GALNT14: variants seen among roughly 807,000 people sequenced by gnomAD.
GALNT14 encodes the protein UDP-GalNAc:polypeptide N-acetylgalactosaminyltransferase 14.
Under a neutral mutation model 77.5 loss-of-function variants are expected in GALNT14, and 60 were observed. The observed-to-expected ratio is 0.77, with a 90% CI of 0.63 to 0.96. The LOEUF (loss-of-function observed/expected upper bound fraction) is 0.96. GALNT14 is among the 40% of genes least tolerant of loss of function. The pLI is 0.00. For missense variants in GALNT14, 710 were observed against 731.0 expected (o/e 0.97, Z 0.33); for synonymous variants, 280 against 281.7 (o/e 0.99, Z 0.06).
At chr2:31,019,762 C>T (rs1315577026) in intron 1 of GALNT14, among the ~76,000 whole-genome samples, 1 of 152,216 alleles carries the variant, frequency 6.6e-6, no homozygotes, top group Non-Finnish European at 1.5e-5. Flanking sequence ...AGAAGACCTA[C>T]TTGGAACATC....
Position 31,137,949 on chromosome 2 carries a change from G to A in GALNT14, c.129+9C>T. 7 of 1,607,684 alleles carry A rather than the reference G, an allele frequency of 4.4e-6. No individual in the cohort carries two copies. Among genetic ancestry groups the A allele is most frequent in the Non-Finnish European group, 5.1e-6 (6 of 1,176,972 alleles). ...CCGCTCAGCGCCAGCGCGCCGGCAAGCCGCCTACCTTAGGGGTCTGCACTT... is the reference window on the plus strand; with the variant it reads ...CCGCTCAGCGCCAGCGCGCCGGCAAACCGCCTACCTTAGGGGTCTGCACTT... On this transcript the variant is annotated intron_variant, in intron 1 of 14. Transcript: ENST00000349752.
At chr2:31,028,210 T>C (rs929805765) in intron 1 of GALNT14, among the ~76,000 whole-genome samples, 3 of 152,204 alleles carry the variant, frequency 2.0e-5, no homozygotes, top group Non-Finnish European at 2.9e-5. Context: ...GCTTGGCTGT[T>C]GTCCAGGTGT....
chr2:31,058,314 G>A (rs1180579296), intron 1 of GALNT14, among the ~76,000 whole-genome samples: 1 of 152,120 alleles, frequency 6.6e-6, no homozygotes, highest in Non-Finnish European at 1.5e-5. Flanking sequence ...GGGCTGGGCT[G>A]GGCGAATTAG....
At chr2:30,896,170 C>T in the GALNT14 span, among the ~76,000 whole-genome samples, 1 of 152,204 alleles carries the variant, frequency 6.6e-6, no homozygotes, top group Non-Finnish European at 1.5e-5. Context: ...GCTACATCCC[C>T]TCTCCCTTCC....
chr2:30,959,708 T>C (rs1667572912), intron 3 of GALNT14, among the ~76,000 whole-genome samples: 1 of 152,222 alleles, frequency 6.6e-6, no homozygotes, highest in Admixed American at 6.5e-5. Flanking sequence ...GGTGCATCAT[T>C]AATGATTTTT....
At chr2:31,122,218 A>G (rs1034951275) in intron 1 of GALNT14, among the ~76,000 whole-genome samples, 2 of 152,180 alleles carry the variant, frequency 1.3e-5, no homozygotes, top group Admixed American at 1.3e-4. Context: ...CAGGGAAGCC[A>G]CTAGCCCGGG....
chr2:31,071,298 T>C (rs1302440244), intron 1 of GALNT14, among the ~76,000 whole-genome samples: 2 of 152,184 alleles, frequency 1.3e-5, no homozygotes, highest in African/African-American at 2.4e-5. Context: ...CAACCAAACA[T>C]GTGCCTAGTA....
intron 1 of GALNT14, among the ~76,000 whole-genome samples, chr2:31,087,579 G>T (rs1676510531): frequency 9.7e-6 from 1 of 103,424 alleles, no homozygotes; most frequent in South Asian, 2.8e-4. Context: ...CACTGACTTG[G>T]GGAGAGAAGG....
intron 1 of GALNT14, among the ~76,000 whole-genome samples, chr2:31,030,826 T>C (rs1459246468): frequency 6.6e-6 from 1 of 152,208 alleles, no homozygotes; most frequent in African/African-American, 2.4e-5. Flanking sequence ...GATCACCAAC[T>C]GTCAGCATCT....
intron 1 of GALNT14, among the ~76,000 whole-genome samples, chr2:31,007,273 C>G (rs1431762352): frequency 6.6e-6 from 1 of 152,142 alleles, no homozygotes; most frequent in African/African-American, 2.4e-5. Context: ...ATCCTACATG[C>G]CTGATCTCAA....
chr2:31,138,393 T>TGCTGCCGCC lies in GALNT14; in HGVS notation c.-308_-307insGGCGGCAGC. 1.2e-5 allele frequency: 4 copies of TGCTGCCGCC among 341,152 alleles called. No individual in the cohort carries two copies. The highest frequency in any genetic ancestry group is 3.4e-5 in the South Asian group (1 of 29,048). The allele number at this position is 341,152 out of a possible 1,614,324, so 21.1% of individuals were successfully genotyped here. A position where few individuals can be genotyped will look rare whatever the true frequency, so the allele number is the denominator to read the frequency against. ...ATGTTCCCCACGCCGCCACCGCGGCTGCCGCCGCCGCCGCCGCCGCCTTGC... is the reference window on the plus strand; with the variant it reads ...ATGTTCCCCACGCCGCCACCGCGGCTGCTGCCGCCGCCGCCGCCGCCGCCGCCGCCTTGC... On this transcript the variant is annotated 5_prime_UTR_variant, in exon 1 of 15. Transcript: ENST00000349752.
intron 1 of GALNT14, among the ~76,000 whole-genome samples, chr2:31,007,526 G>A (rs151128525): frequency 2.0e-5 from 3 of 152,330 alleles, no homozygotes; most frequent in Non-Finnish European, 4.4e-5. Flanking sequence ...TTGGAAGGAT[G>A]TAAGGTGTTA....
chr2:30,944,593 T>C (rs141465287), intron 8 of GALNT14, among the ~76,000 whole-genome samples: 97 of 152,210 alleles, frequency 6.4e-4, no homozygotes, highest in South Asian at 5.0e-3. Flanking sequence ...GGCTCCGACA[T>C]TAGCAGGAGG....
rs56163710 is a variant in GALNT14, at chr2:30,923,056, CTTTTTTTTT to C, written c.1380+1054_1380+1062del. Among the ~76,000 whole-genome samples, 311 of 116,538 alleles carry C rather than the reference CTTTTTTTTT, an allele frequency of 2.7e-3. 3 individuals carry two copies. Among genetic ancestry groups the C allele is most frequent in the African/African-American group, 0.01 (302 of 29,890 alleles). The allele number at this position is 116,538 out of a possible 152,430, so 76.5% of individuals were successfully genotyped here. The stretch of plus-strand genomic sequence containing the variant: ...GCAAGGAAGCCATAGACAAACGTGC[CTTTTTTTTT>C]TTTTTTTTTTTTTTGAAATGGAGTT... On this transcript the variant is annotated intron_variant, in intron 13 of 14. Coordinates refer to ENST00000349752, the MANE Select transcript of GALNT14 (RefSeq NM_024572.4).
intron 12 of GALNT14, 43 bp downstream of exon 12, chr2:30,924,697 T>C: frequency 3.8e-6 from 6 of 1,565,582 alleles, no homozygotes; most frequent in Non-Finnish European, 5.3e-6. Context: ...GCTGAGGGCC[T>C]CTGCTTTCAG....
chr2:31,111,550 T>A (rs914674276), intron 1 of GALNT14, among the ~76,000 whole-genome samples: 4 of 152,108 alleles, frequency 2.6e-5, no homozygotes, highest in African/African-American at 7.2e-5. Flanking sequence ...GGCTTTAAAC[T>A]ACAACCCATT....
chr2:30,947,441 C>T (rs17010500), intron 6 of GALNT14, among the ~76,000 whole-genome samples: 10,225 of 152,234 alleles, frequency 0.067, 861 homozygotes, highest in African/African-American at 0.19. Flanking sequence ...AAGTCACCAG[C>T]TTCTTGGAGC....
In GALNT14 at chr2:30,966,973, T is replaced by C. The variant is rs114739402; in HGVS notation, c.300-671A>G. Among the ~76,000 whole-genome samples, 516 of 152,202 alleles carry C rather than the reference T, an allele frequency of 3.4e-3. 8 individuals carry two copies. The highest frequency in any genetic ancestry group is 0.011 in the African/African-American group (462 of 41,534). Reference sequence around the variant, plus strand: ...AAAATTGTAGCCTGCAGCTTGAAAATTACTATAATAATGAAAATAAACCCG... The same window carrying C: ...AAAATTGTAGCCTGCAGCTTGAAAACTACTATAATAATGAAAATAAACCCG... On this transcript the variant is annotated intron_variant, in intron 2 of 14. Transcript: ENST00000349752.
In GALNT14 at chr2:30,997,674, C is replaced by T. The variant is rs117273836; in HGVS notation, c.130-4667G>A. Among the ~76,000 whole-genome samples the T allele has an allele frequency of 9.3e-4, 141 of 152,222 alleles. 1 individual carries two copies. In the East Asian group the frequency reaches 0.024, roughly 26 times the overall value. On this transcript the variant is annotated intron_variant, in intron 1 of 14. Coordinates refer to ENST00000349752, the MANE Select transcript of GALNT14 (RefSeq NM_024572.4). ...TGATGCCACAAACAGAAAACACAAA[C>T]GTTATCCCGTTTAAAGTTTTATTTT...
Sources: allele counts gnomAD v4.1 joint callset (sites outside exome capture counted in the v4.1 genomes callset), GRCh38; gene constraint gnomAD v4.1.1; transcripts MANE v1.5; gene names NCBI Gene and HGNC (gene_info 2026-07-23, HGNC 2026-07-21).